The following POLR1E variants were observed in gnomAD, a reference collection of about 807,000 sequenced individuals.
The protein encoded by POLR1E is RNA polymerase I subunit E, also known as DNA-directed RNA polymerase I subunit RPA49.
A neutral mutation model predicts 50.9 loss-of-function variants in POLR1E; 37 were observed. The ratio of observed to expected loss-of-function variants is 0.73; its 90% confidence interval spans 0.56 to 0.96. POLR1E has a LOEUF of 0.96. POLR1E is among the 40% of genes least tolerant of loss of function. The pLI is 0.00. For missense variants in POLR1E, 426 were observed against 518.1 expected (o/e 0.82, Z 1.73); for synonymous variants, 166 against 191.6 (o/e 0.87, Z 1.10).
intron 5 of POLR1E, among the ~76,000 whole-genome samples, chr9:37,493,195 AAGGAGTC>A (rs1188970347): frequency 2.6e-5 from 4 of 152,048 alleles, no homozygotes; most frequent in Non-Finnish European, 4.4e-5. Flanking sequence ...CTTCAGGGGG[AAGGAGTC>A]AGTGATCTAT....
Position 37,503,692 on chromosome 9 carries a change from A to G in POLR1E, c.*490A>G, listed in dbSNP as rs1320675161. ...AAATATAAAGCGATGGCCAGGTTGGACTTCATCTCTCTCCTTTGGTATTAT... is the reference window on the plus strand; with the variant it reads ...AAATATAAAGCGATGGCCAGGTTGGGCTTCATCTCTCTCCTTTGGTATTAT... On this transcript the variant is annotated 3_prime_UTR_variant, in exon 12 of 12. Transcript: ENST00000377798. The G allele has an allele frequency of 6.6e-6, 1 of 152,214 alleles. No homozygotes were observed. The highest frequency in any genetic ancestry group is 1.5e-5 in the Non-Finnish European group (1 of 68,092). The allele number at this position is 152,214 out of a possible 1,614,324, so 9.4% of individuals were successfully genotyped here.
intron 6 of POLR1E, 69 bp downstream of exon 6, chr9:37,493,772 A>C: frequency 2.9e-6 from 4 of 1,371,826 alleles, no homozygotes; most frequent in Non-Finnish European, 2.9e-6. Flanking sequence ...GAGATCTTTT[A>C]CCCACCCACA....
intron 9 of POLR1E, 61 bp downstream of exon 9, chr9:37,498,285 T>A (rs1400954774): frequency 6.5e-7 from 1 of 1,529,314 alleles, no homozygotes; most frequent in African/African-American, 1.4e-5. Flanking sequence ...TCTGTAATTC[T>A]TAGATGAGTT....
intron 4 of POLR1E, among the ~76,000 whole-genome samples, chr9:37,489,765 C>T (rs758822821): frequency 1.3e-5 from 2 of 151,988 alleles, no homozygotes; most frequent in African/African-American, 2.4e-5. Context: ...ATAGAGACAG[C>T]GTTTTACCAT....
chr9:37,495,767 G>T, intron 7 of POLR1E, 123 bp from the exon 8 acceptor site: 1 of 704,066 alleles, frequency 1.4e-6, no homozygotes, highest in Non-Finnish European at 2.6e-6. Flanking sequence ...TATGTGATCT[G>T]CCCTGTGTGA....
intron 8 of POLR1E, 30 bp from the exon 9 acceptor site, chr9:37,498,061 A>G (rs763969102): frequency 1.9e-6 from 3 of 1,608,442 alleles, no homozygotes; most frequent in Non-Finnish European, 1.7e-6. Flanking sequence ...TTACCCTGAC[A>G]CAGGCCTCCT....
In POLR1E at chr9:37,486,086, T is replaced by C; in HGVS notation, c.39T>C (p.Tyr13=). 1 of 1,603,624 alleles carries C rather than the reference T, an allele frequency of 6.2e-7. No individual in the cohort carries two copies. The highest frequency in any genetic ancestry group is 1.3e-5 in the African/African-American group (1 of 74,994). The part of the protein sequence containing the change: ...AEVLPSARWQ[Y]CGAPDGSQRA... ...TGTTGCCGAGTGCGAGGTGGCAGTA[T>C]TGTGGGGCGCCCGACGGGAGCCAGA... The change falls in exon 1 of 12, where the codon TAT becomes TAC. Residue 13 remains tyrosine, a synonymous_variant. Coordinates refer to ENST00000377798, the MANE Select transcript of POLR1E (RefSeq NM_022490.4).
Position 37,500,937 on chromosome 9 carries a change from C to T in POLR1E, c.968+16C>T, listed in dbSNP as rs982641957. 6.2e-7 allele frequency: 1 copy of T among 1,604,112 alleles called. No individual in the cohort carries two copies. Among genetic ancestry groups the T allele is most frequent in the African/African-American group, 1.3e-5 (1 of 74,546 alleles). On this transcript the variant is annotated intron_variant, in intron 10 of 11. Coordinates refer to ENST00000377798, the MANE Select transcript of POLR1E (RefSeq NM_022490.4). ...ACAATGGCAGGTCAGGGGGTGGTTG[C>T]TGGGATTTTTCTTGTGCAGGAGAAA...
chr9:37,499,569 T>A (rs902155839), intron 9 of POLR1E, among the ~76,000 whole-genome samples: 2 of 152,184 alleles, frequency 1.3e-5, no homozygotes, highest in Non-Finnish European at 2.9e-5. Flanking sequence ...TCTCGCTCTG[T>A]CACCCAGACT....
At chr9:37,490,290 C>A (rs1480803191) in intron 4 of POLR1E, 2 of 419,888 alleles carry the variant, frequency 4.8e-6, no homozygotes, top group Non-Finnish European at 8.6e-6. Flanking sequence ...AGAGTAAAGA[C>A]ATTACATAAT....
At chr9:37,499,890 G>A (rs10973382) in intron 9 of POLR1E, among the ~76,000 whole-genome samples, 32,614 of 148,490 alleles carry the variant, frequency 0.22, 3,705 homozygotes, top group Admixed American at 0.26. Context: ...TCGCTCTGTC[G>A]CCCAGGCTGG....
At chr9:37,489,909 CTAA>C (rs1820649747) in intron 4 of POLR1E, among the ~76,000 whole-genome samples, 1 of 152,080 alleles carries the variant, frequency 6.6e-6, no homozygotes, top group Admixed American at 6.6e-5. Context: ...TATTGATAAC[CTAA>C]TGTACCAGGC....
chr9:37,489,840 C>T (rs1421286528), intron 4 of POLR1E, among the ~76,000 whole-genome samples: 1 of 152,216 alleles, frequency 6.6e-6, no homozygotes, highest in Non-Finnish European at 1.5e-5. Context: ...TCCCAAAGTG[C>T]TAGGATTACA....
At chr9:37,501,993 A>T in intron 11 of POLR1E, 149 bp downstream of exon 11, 14 of 793,628 alleles carry the variant, frequency 1.8e-5, no homozygotes, top group East Asian at 2.8e-5. Context: ...CAATGAATGA[A>T]TCATTGACTG....
intron 4 of POLR1E, chr9:37,492,267 T>TA: frequency 1.0e-5 from 13 of 1,290,656 alleles, no homozygotes; most frequent in Middle Eastern, 2.2e-4. Context: ...ACCTCATGTT[T>TA]ATGCCTGCTT....
At chr9:37,487,283 G>T (rs918049785) in intron 2 of POLR1E, among the ~76,000 whole-genome samples, 4 of 152,226 alleles carry the variant, frequency 2.6e-5, no homozygotes, top group Admixed American at 1.3e-4. Context: ...CTGAGGCCAC[G>T]TGGGGAAGAG....
chr9:37,486,475 G>A lies in POLR1E; in HGVS notation c.77-228G>A, dbSNP rs777493598. The A allele has an allele frequency of 1.7e-4, 260 of 1,551,400 alleles. 1 individual carries two copies. The highest frequency in any genetic ancestry group is 3.1e-4 in the South Asian group (26 of 84,206). The stretch of plus-strand genomic sequence containing the variant: ...GCCTCTGCTGTCAGCCTCCTTCCGC[G>A]AGACATTCCCTCCTGTCACAGCCCC... On this transcript the variant is annotated intron_variant, in intron 1 of 11. Transcript: ENST00000377798.
At chr9:37,487,027 T>A (rs1406766041) in intron 2 of POLR1E, among the ~76,000 whole-genome samples, 1 of 152,230 alleles carries the variant, frequency 6.6e-6, no homozygotes, top group African/African-American at 2.4e-5. Context: ...TCTGCATCCC[T>A]GTGCTGCAAG....
intron 11 of POLR1E, among the ~76,000 whole-genome samples, chr9:37,502,489 A>G (rs1820908839): frequency 6.6e-6 from 1 of 152,064 alleles, no homozygotes; most frequent in Non-Finnish European, 1.5e-5. Flanking sequence ...TTCAGACAGT[A>G]GGGGCAGAGC....
Sources: gnomAD v4.1 joint callset for allele counts (sites outside exome capture counted in the v4.1 genomes callset) on GRCh38, gnomAD v4.1.1 for gene constraint, MANE v1.5 for transcripts, NCBI Gene and HGNC (gene_info 2026-07-23, HGNC 2026-07-21) for gene names.